Variants in MBOAT2 observed in about 807,000 individuals in gnomAD.
MBOAT2 encodes membrane-bound glycerophospholipid O-acyltransferase 2.
Under a neutral mutation model 63.4 loss-of-function variants are expected in MBOAT2, and 28 were observed. That is an observed-to-expected ratio of 0.44 (90% CI 0.33 to 0.61). The LOEUF is 0.61. Among genes scored for constraint, MBOAT2 ranks in the 20% least tolerant of loss-of-function variants. The pLI, the probability that MBOAT2 is intolerant of heterozygous loss-of-function variation, is 0.03. For synonymous variants in MBOAT2, 211 were observed against 215.6 expected, an observed-to-expected ratio of 0.98 and a Z score of 0.19; for missense variants, 470 against 605.8, an observed-to-expected ratio of 0.78 and a Z score of 2.35.
chr2:8,862,517 A>G lies in MBOAT2; in HGVS notation c.1185+73T>C, dbSNP rs559693633. 1.3e-6 allele frequency: 2 copies of G among 1,522,836 alleles called. No individual in the cohort carries two copies. Among genetic ancestry groups the G allele is most frequent in the African/African-American group, 1.4e-5 (1 of 72,350 alleles). 94.3% of individuals were successfully genotyped at this position (1,522,836 alleles called of 1,614,324 possible). A position where few individuals can be genotyped will look rare whatever the true frequency, so the allele number is the denominator to read the frequency against. On this transcript the variant is annotated intron_variant, in intron 11 of 12. Transcript: ENST00000305997. The surrounding 1 kb of genome is among the most constrained non-coding windows in gnomAD (Gnocchi z 4.3). Reference sequence around the variant, plus strand: ...CCAAGGAAAGAGGGTCTACCTTGTAAGAGAGATGTACTCAGCCTTTTTAAC... The same window carrying G: ...CCAAGGAAAGAGGGTCTACCTTGTAGGAGAGATGTACTCAGCCTTTTTAAC...
At chr2:8,982,173 C>T (rs989657048) in intron 1 of MBOAT2, among the ~76,000 whole-genome samples, 1 of 152,046 alleles carries the variant, frequency 6.6e-6, no homozygotes, top group African/African-American at 2.4e-5. Context: ...AATGTATGAC[C>T]CACCATTATT....
intron 8 of MBOAT2, among the ~76,000 whole-genome samples, chr2:8,869,209 T>C (rs982108372): frequency 2.9e-5 from 3 of 105,260 alleles, no homozygotes; most frequent in African/African-American, 1.1e-4. Context: ...ATCATGCCTA[T>C]TTTTTTTTTT....
intron 8 of MBOAT2, among the ~76,000 whole-genome samples, chr2:8,868,872 G>A (rs187709548): frequency 5.5e-4 from 84 of 152,256 alleles, no homozygotes; most frequent in African/African-American, 2.0e-3. Flanking sequence ...AGCAGAGTAC[G>A]CTCAACCAGC....
intron 4 of MBOAT2, among the ~76,000 whole-genome samples, chr2:8,894,320 T>C (rs1409630319): frequency 6.6e-6 from 1 of 152,222 alleles, no homozygotes; most frequent in Non-Finnish European, 1.5e-5. Context: ...CCATCTCTGT[T>C]TACTCCTGGT....
rs1397334289 is a variant in MBOAT2, at chr2:8,912,365, GAAAGAAAGAGAA to G, written c.300-3661_300-3650del. On this transcript the variant is annotated intron_variant, in intron 3 of 12. Transcript: ENST00000305997. ...AAAGAAAGAAAGAGAAAGAAAGAAA[GAAAGAAAGAGAA>G]AGAAAGAAAGAAAGAAAGAAAGAAA... Among the ~76,000 whole-genome samples the G allele has an allele frequency of 1.4e-3, 134 of 93,958 alleles. 1 individual carries two copies. Among genetic ancestry groups the G allele is most frequent in the Admixed American group, 2.2e-3 (19 of 8,474 alleles). The allele number at this position is 93,958 out of a possible 152,430, so 61.6% of individuals were successfully genotyped here. A position where few individuals can be genotyped will look rare whatever the true frequency, so the allele number is the denominator to read the frequency against.
At chr2:8,958,367 G>T in intron 2 of MBOAT2, 130 bp downstream of exon 2, 2 of 836,806 alleles carry the variant, frequency 2.4e-6, no homozygotes, top group Non-Finnish European at 3.5e-6. Context: ...AAATATGAAA[G>T]TTGGCCTGGA....
chr2:8,882,428 TAGTC>T (rs1387319208), intron 6 of MBOAT2, 79 bp downstream of exon 6: 4 of 1,301,864 alleles, frequency 3.1e-6, no homozygotes, highest in Non-Finnish European at 4.4e-6. Flanking sequence ...CTAGAAGGAC[TAGTC>T]AGCCTCAGCC....
chr2:8,942,620 A>T (rs1668133773), intron 3 of MBOAT2, among the ~76,000 whole-genome samples: 1 of 152,206 alleles, frequency 6.6e-6, no homozygotes, highest in Non-Finnish European at 1.5e-5. Flanking sequence ...TGAAATGCCT[A>T]TGCCACCTTC....
At chr2:8,932,566 A>C (rs537742300) in intron 3 of MBOAT2, among the ~76,000 whole-genome samples, 16 of 152,326 alleles carry the variant, frequency 1.1e-4, no homozygotes, top group African/African-American at 3.8e-4. Flanking sequence ...CAAGAATCTC[A>C]CTAAATAAAG....
At chr2:8,980,372 C>T (rs1671113923) in intron 1 of MBOAT2, among the ~76,000 whole-genome samples, 1 of 152,092 alleles carries the variant, frequency 6.6e-6, no homozygotes, top group East Asian at 1.9e-4. Flanking sequence ...CCTGTTCTAG[C>T]CCTGACCAAG....
At chr2:8,945,612 G>A (rs577074281) in intron 2 of MBOAT2, among the ~76,000 whole-genome samples, 1 of 152,254 alleles carries the variant, frequency 6.6e-6, no homozygotes, top group African/African-American at 2.4e-5. Context: ...AACTCACGTT[G>A]TTTCGGGGCA....
chr2:8,889,231 C>T (rs1428165907), intron 4 of MBOAT2, among the ~76,000 whole-genome samples: 1 of 152,170 alleles, frequency 6.6e-6, no homozygotes, highest in African/African-American at 2.4e-5. Context: ...TGCAGAAGCT[C>T]GAACTGCTGC....
chr2:8,886,022 A>T (rs986674982), intron 5 of MBOAT2, among the ~76,000 whole-genome samples: 1 of 152,164 alleles, frequency 6.6e-6, no homozygotes, highest in Non-Finnish European at 1.5e-5. Flanking sequence ...AATGTCCCCT[A>T]TGTCTAGCCT....
intron 3 of MBOAT2, among the ~76,000 whole-genome samples, chr2:8,928,368 G>C (rs1667078465): frequency 6.6e-6 from 1 of 152,136 alleles, no homozygotes; most frequent in African/African-American, 2.4e-5. Flanking sequence ...ACGCTAACGA[G>C]GGGCTAAGGT....
chr2:9,003,422 G>A lies in MBOAT2; in HGVS notation c.75+118C>T, dbSNP rs995487653. On this transcript the variant is annotated intron_variant, in intron 1 of 12. Coordinates refer to ENST00000305997, the MANE Select transcript of MBOAT2 (RefSeq NM_138799.4). The surrounding 1 kb of genome is among the most constrained non-coding windows in gnomAD (Gnocchi z 5.4). ...TCCCTTCCAGGGAGCGGCGGGTAGG[G>A]GGGCACCGGGCGCCCGGCCCCAGCC... The A allele has an allele frequency of 8.2e-6, 4 of 484,962 alleles. No homozygotes were observed. Among genetic ancestry groups the A allele is most frequent in the African/African-American group, 2.1e-5 (1 of 48,192 alleles). The allele number at this position is 484,962 out of a possible 1,614,324, so 30.0% of individuals were successfully genotyped here.
chr2:8,868,578 T>C (rs1457153082), intron 8 of MBOAT2, 29 bp from the exon 9 acceptor site: 1 of 1,542,000 alleles, frequency 6.5e-7, no homozygotes, highest in Non-Finnish European at 8.9e-7. Flanking sequence ...GAAAAAAGTA[T>C]TAAGAATCTC....
intron 4 of MBOAT2, chr2:8,908,417 G>A (rs545887114): frequency 2.3e-6 from 1 of 429,656 alleles, no homozygotes; most frequent in South Asian, 5.3e-5. Flanking sequence ...TAGGCAGGAA[G>A]AAGCAGAACA....
intron 3 of MBOAT2, among the ~76,000 whole-genome samples, chr2:8,909,073 T>A (rs1330467856): frequency 6.6e-6 from 1 of 152,214 alleles, no homozygotes. Context: ...TTGGCTAAGG[T>A]ATACATTCAA....
At chr2:8,998,744 A>T (rs1019417939) in intron 1 of MBOAT2, among the ~76,000 whole-genome samples, 2 of 152,100 alleles carry the variant, frequency 1.3e-5, no homozygotes, top group Admixed American at 1.3e-4. Context: ...CACAACCCCT[A>T]GTCCTTCAGT....
Sources: gnomAD v4.1 joint callset for allele counts (sites outside exome capture counted in the v4.1 genomes callset) on GRCh38, gnomAD v4.1.1 for gene constraint, Gnocchi (gnomAD v3.1) non-coding constraint, MANE v1.5 for transcripts, NCBI Gene and HGNC (gene_info 2026-07-23, HGNC 2026-07-21) for gene names.